The following SCAPER variants were observed in gnomAD, a reference collection of about 807,000 sequenced individuals.
SCAPER encodes S-phase cyclin A associated protein in the ER, also known as S phase cyclin A-associated protein in the endoplasmic reticulum.
Under a neutral mutation model 182.2 loss-of-function variants are expected in SCAPER, and 98 were observed. The ratio of observed to expected loss-of-function variants is 0.54; its 90% CI spans 0.46 to 0.64. The LOEUF (loss-of-function observed/expected upper bound fraction) is 0.64, where lower values mean the gene tolerates loss of function less well. Among genes scored for constraint, SCAPER ranks in the 30% least tolerant of loss-of-function variants. The pLI is 0.00. For synonymous variants in SCAPER, 605 were observed against 564.6 expected (o/e 1.07, Z -1.01); for missense variants, 1,432 against 1,690.0 (o/e 0.85, Z 2.68).
intron 21 of SCAPER, among the ~76,000 whole-genome samples, chr15:76,656,307 C>CATT (rs2055630331): frequency 1.3e-5 from 2 of 152,084 alleles, no homozygotes; most frequent in South Asian, 2.1e-4. Context: ...CAAAGAAGAG[C>CATT]ATTACATAAT....
At chr15:76,696,245 C>T (rs1195572339) in intron 20 of SCAPER, among the ~76,000 whole-genome samples, 1 of 152,196 alleles carries the variant, frequency 6.6e-6, no homozygotes, top group African/African-American at 2.4e-5. Flanking sequence ...AGTCAGCTTA[C>T]ATTTCATTAA....
intron 5 of SCAPER, among the ~76,000 whole-genome samples, chr15:76,832,776 G>A (rs140621298): frequency 3.9e-5 from 6 of 152,232 alleles, no homozygotes; most frequent in East Asian, 3.9e-4. Flanking sequence ...TCCTGTTCCT[G>A]CCATGTAAGA....
intron 25 of SCAPER, among the ~76,000 whole-genome samples, chr15:76,456,275 C>T (rs1386322995): frequency 1.3e-5 from 2 of 152,188 alleles, no homozygotes; most frequent in Non-Finnish European, 2.9e-5. Context: ...AACTAATTTA[C>T]ACTCCCACCT....
At chr15:76,701,124 T>G (rs1484548752) in intron 20 of SCAPER, among the ~76,000 whole-genome samples, 1 of 150,712 alleles carries the variant, frequency 6.6e-6, no homozygotes. Context: ...AATATACACA[T>G]GCACCTACAT....
chr15:76,555,576 G>A (rs970568601), intron 23 of SCAPER, among the ~76,000 whole-genome samples: 1 of 152,094 alleles, frequency 6.6e-6, no homozygotes, highest in Non-Finnish European at 1.5e-5. Context: ...AGAAGAAAAA[G>A]CAGGGGTTGC....
At chr15:76,709,208 T>C (rs532984738) in intron 17 of SCAPER, among the ~76,000 whole-genome samples, 1 of 152,192 alleles carries the variant, frequency 6.6e-6, no homozygotes, top group Non-Finnish European at 1.5e-5. Flanking sequence ...CTCGACTCAC[T>C]GCAACCTCCA....
intron 26 of SCAPER, among the ~76,000 whole-genome samples, chr15:76,417,182 T>A (rs12906143): frequency 0.28 from 42,680 of 151,810 alleles, 7,010 homozygotes; most frequent in East Asian, 0.58. Context: ...CCGGTAATTA[T>A]CTTTGGGTGG....
intron 22 of SCAPER, among the ~76,000 whole-genome samples, chr15:76,598,938 TAA>T (rs1173798554): frequency 9.5e-6 from 1 of 104,942 alleles, no homozygotes; most frequent in African/African-American, 2.8e-5. Flanking sequence ...AAAGTATAAT[TAA>T]AAAAAAAAAA....
intron 17 of SCAPER, among the ~76,000 whole-genome samples, chr15:76,712,113 T>A (rs552857873): frequency 1.3e-5 from 2 of 152,342 alleles, no homozygotes; most frequent in East Asian, 3.9e-4. Context: ...TTAATTTTTG[T>A]ATAAGGTGTA....
intron 24 of SCAPER, among the ~76,000 whole-genome samples, chr15:76,501,410 G>A (rs2041110453): frequency 6.6e-6 from 1 of 150,572 alleles, no homozygotes; most frequent in East Asian, 1.9e-4. Context: ...TTAATTATAG[G>A]ACAAACAAGA....
chr15:76,697,852 C>T (rs1411697022), intron 20 of SCAPER, among the ~76,000 whole-genome samples: 1 of 152,054 alleles, frequency 6.6e-6, no homozygotes, highest in African/African-American at 2.4e-5. Flanking sequence ...GTCGGCCAGG[C>T]TGGTCTCGAA....
intron 5 of SCAPER, among the ~76,000 whole-genome samples, chr15:76,831,440 C>T (rs1344589614): frequency 6.6e-6 from 1 of 151,852 alleles, no homozygotes; most frequent in Non-Finnish European, 1.5e-5. Context: ...GGCACACACA[C>T]ACCCACAACA....
intron 25 of SCAPER, among the ~76,000 whole-genome samples, chr15:76,437,264 C>CT (rs1350180692): frequency 6.6e-6 from 1 of 152,060 alleles, no homozygotes; most frequent in Admixed American, 6.6e-5. Flanking sequence ...GCCAGTAACT[C>CT]TAATTCTTGA....
At chr15:76,609,252 T>G (rs1027503688) in intron 22 of SCAPER, among the ~76,000 whole-genome samples, 8 of 151,900 alleles carry the variant, frequency 5.3e-5, no homozygotes, top group African/African-American at 1.9e-4. Flanking sequence ...CTTGGGAGGC[T>G]GAGGCAAGAG....
chr15:76,716,209 C>G (rs2059879910), intron 17 of SCAPER, among the ~76,000 whole-genome samples: 1 of 152,146 alleles, frequency 6.6e-6, no homozygotes, highest in South Asian at 2.1e-4. Flanking sequence ...TGACACTGAT[C>G]ACAACTAAGA....
chr15:76,567,162 T>G (rs1186455096), intron 23 of SCAPER: 3 of 278,472 alleles, frequency 1.1e-5, no homozygotes, highest in Non-Finnish European at 2.1e-5. Flanking sequence ...ATATATTTTT[T>G]GGTGACTTGT....
chr15:76,549,498 C>CA (rs1455739200), intron 23 of SCAPER, among the ~76,000 whole-genome samples: 1 of 151,620 alleles, frequency 6.6e-6, no homozygotes, highest in East Asian at 1.9e-4. Flanking sequence ...ATCTCAAAGA[C>CA]AAAAAACCAA....
At chr15:76,744,110 T>C (rs1373105283) in intron 15 of SCAPER, among the ~76,000 whole-genome samples, 2 of 152,174 alleles carry the variant, frequency 1.3e-5, no homozygotes, top group Non-Finnish European at 2.9e-5. Context: ...AACTAGACCC[T>C]TACTTTTAAC....
intron 5 of SCAPER, among the ~76,000 whole-genome samples, chr15:76,809,102 G>T (rs1007138511): frequency 1.3e-5 from 2 of 152,064 alleles, no homozygotes; most frequent in South Asian, 4.2e-4. Flanking sequence ...AGGTTTGAGG[G>T]GCACCTAGAA....
Sources: allele counts gnomAD v4.1 joint callset (sites outside exome capture counted in the v4.1 genomes callset), GRCh38; gene constraint gnomAD v4.1.1; transcripts MANE v1.5; gene names NCBI Gene and HGNC (gene_info 2026-07-23, HGNC 2026-07-21).